PDE1A: variants seen among roughly 807,000 people sequenced by gnomAD.
PDE1A encodes the protein dual specificity calcium/calmodulin-dependent 3',5'-cyclic nucleotide phosphodiesterase 1A.
PDE1A carries 35 observed loss-of-function variants against 61.7 expected under a neutral mutation model. The observed-to-expected ratio is 0.57, with a 90% confidence interval of 0.43 to 0.75. The LOEUF is 0.75. PDE1A is among the 30% of genes least tolerant of loss of function. PDE1A has a pLI of 0.00. For synonymous variants in PDE1A, 232 were observed against 213.2 expected, an observed-to-expected ratio of 1.09 and a Z score of -0.77; for missense variants, 597 against 630.6, an observed-to-expected ratio of 0.95 and a Z score of 0.57.
chr2:182,621,831 G>C, the PDE1A span, among the ~76,000 whole-genome samples: 1 of 152,090 alleles, frequency 6.6e-6, no homozygotes, highest in Non-Finnish European at 1.5e-5. Context: ...AGAAAAATGA[G>C]CTTTCTGATT....
At chr2:182,209,457 G>A (rs1441770858) in intron 7 of PDE1A, among the ~76,000 whole-genome samples, 1 of 151,604 alleles carries the variant, frequency 6.6e-6, no homozygotes, top group Non-Finnish European at 1.5e-5. Context: ...ACCATATTAT[G>A]AGCCAAATGT....
At chr2:182,624,522 C>G in the PDE1A span, among the ~76,000 whole-genome samples, 1 of 152,012 alleles carries the variant, frequency 6.6e-6, no homozygotes, top group African/African-American at 2.4e-5. Context: ...TTTTAAAAGA[C>G]GCAGAAACCT....
chr2:182,636,024 C>T, the PDE1A span, among the ~76,000 whole-genome samples: 2 of 137,198 alleles, frequency 1.5e-5, no homozygotes, highest in Non-Finnish European at 3.0e-5. Context: ...GGCACTATCT[C>T]GGCTCACTGC....
At chr2:182,546,345 A>G in the PDE1A span, among the ~76,000 whole-genome samples, 1 of 151,916 alleles carries the variant, frequency 6.6e-6, no homozygotes, top group African/African-American at 2.4e-5. Context: ...CCATTCCAAG[A>G]GACCACTCAC....
chr2:182,387,262 G>A (rs4018737), intron 1 of PDE1A, among the ~76,000 whole-genome samples: 10 of 151,736 alleles, frequency 6.6e-5, no homozygotes. Flanking sequence ...TCTCAAGTAC[G>A]CAGGGACACA....
At chr2:182,377,914 T>C (rs543240435) in intron 1 of PDE1A, among the ~76,000 whole-genome samples, 2 of 152,174 alleles carry the variant, frequency 1.3e-5, no homozygotes, top group South Asian at 4.1e-4. Flanking sequence ...GGTGCGATCT[T>C]GGCTCACTGC....
chr2:182,179,480 TA>T (rs1413532797), intron 13 of PDE1A, among the ~76,000 whole-genome samples: 1 of 152,024 alleles, frequency 6.6e-6, no homozygotes, highest in Non-Finnish European at 1.5e-5. Flanking sequence ...GATAACAGCT[TA>T]AAAAAAGAAT....
At chr2:182,435,386 TA>T (rs1455650665) in intron 2 of PDE1A, among the ~76,000 whole-genome samples, 9 of 152,142 alleles carry the variant, frequency 5.9e-5, no homozygotes, top group African/African-American at 2.2e-4. Flanking sequence ...GATATTCAAC[TA>T]GCAGGATAAG....
At chr2:182,461,657 C>T (rs1246990852) in intron 2 of PDE1A, among the ~76,000 whole-genome samples, 3 of 152,108 alleles carry the variant, frequency 2.0e-5, no homozygotes, top group East Asian at 3.9e-4. Flanking sequence ...CAGAAATAGA[C>T]CTCAACCTGA....
chr2:182,258,808 C>T (rs1692010256), intron 2 of PDE1A, among the ~76,000 whole-genome samples: 1 of 152,134 alleles, frequency 6.6e-6, no homozygotes, highest in Non-Finnish European at 1.5e-5. Context: ...CATGTTACTC[C>T]CTCTGGTTAT....
chr2:182,560,346 G>A, the PDE1A span, among the ~76,000 whole-genome samples: 2 of 151,476 alleles, frequency 1.3e-5, 1 homozygote, highest in South Asian at 4.2e-4. Context: ...AGTTTACTGA[G>A]AATGATGATT....
the PDE1A span, among the ~76,000 whole-genome samples, chr2:182,705,079 A>C: frequency 6.6e-6 from 1 of 152,226 alleles, no homozygotes; most frequent in East Asian, 1.9e-4. Flanking sequence ...GATAAAGTAG[A>C]AACAAAATCA....
chr2:182,454,544 C>T (rs1396376865), intron 2 of PDE1A, among the ~76,000 whole-genome samples: 1 of 151,948 alleles, frequency 6.6e-6, no homozygotes, highest in East Asian at 1.9e-4. Context: ...GTAACCAAAA[C>T]AGCATGGTAC....
intron 1 of PDE1A, among the ~76,000 whole-genome samples, chr2:182,288,838 G>A (rs963578764): frequency 6.6e-6 from 1 of 151,972 alleles, no homozygotes; most frequent in Admixed American, 6.6e-5. Context: ...TAGAAATGAT[G>A]CACATTAGAA....
chr2:182,169,292 GA>G (rs935551534), intron 13 of PDE1A, among the ~76,000 whole-genome samples: 6 of 151,782 alleles, frequency 4.0e-5, no homozygotes, highest in Non-Finnish European at 7.4e-5. Flanking sequence ...ATTGTACATT[GA>G]AAAAAACATA....
chr2:182,547,948 C>G, the PDE1A span, among the ~76,000 whole-genome samples: 1 of 151,840 alleles, frequency 6.6e-6, no homozygotes, highest in Non-Finnish European at 1.5e-5. Context: ...ATCGAGAAAC[C>G]GAGAAGTAGG....
At chr2:182,427,897 A>G (rs916512016), upstream of PDE1A, among the ~76,000 whole-genome samples, 2 of 152,202 alleles carry the variant, frequency 1.3e-5, no homozygotes, top group African/African-American at 4.8e-5. Context: ...CATGTAATAA[A>G]AAGGGAAAAA....
chr2:182,368,739 G>A (rs1043741279), intron 1 of PDE1A, among the ~76,000 whole-genome samples: 2 of 151,966 alleles, frequency 1.3e-5, no homozygotes, highest in Non-Finnish European at 1.5e-5. Flanking sequence ...GAGTGAACTT[G>A]GGCATGTTAT....
At chr2:182,540,438 C>T in the PDE1A span, among the ~76,000 whole-genome samples, 1 of 150,340 alleles carries the variant, frequency 6.7e-6, no homozygotes, top group Non-Finnish European at 1.5e-5. Context: ...AGGTCATGAG[C>T]ACTTTAGTGC....
Sources: allele counts gnomAD v4.1 joint callset (sites outside exome capture counted in the v4.1 genomes callset), GRCh38; gene constraint gnomAD v4.1.1; transcripts MANE v1.5; gene names NCBI Gene and HGNC (gene_info 2026-07-23, HGNC 2026-07-21).